Variants in RPTOR observed in about 807,000 individuals in gnomAD.
The protein encoded by RPTOR is regulatory-associated protein of mTOR.
In RPTOR, 21 loss-of-function variants were observed where a neutral mutation model predicts 169.9. The observed-to-expected ratio is 0.12, with a 90% CI of 0.09 to 0.18. The LOEUF is 0.18. Ranked by LOEUF, RPTOR falls within the 10% of genes least tolerant of loss-of-function variation. The probability of loss-of-function intolerance (pLI) is 1.00; values close to 1 mark genes in which losing one functional copy is unlikely to be tolerated. For synonymous variants in RPTOR, 732 were observed against 753.2 expected, an observed-to-expected ratio of 0.97 and a Z score of 0.46; for missense variants, 1,133 against 1,855.9, an observed-to-expected ratio of 0.61 and a Z score of 7.16.
rs774782929 is a variant in RPTOR, at chr17:80,708,041, C to G, written c.507+42C>G. ...GCTTCCTTCCCGTTTCTGCCAAAAGCCATGCCAATTGCGGTGGTCGGAGCA... is the reference window on the plus strand; with the variant it reads ...GCTTCCTTCCCGTTTCTGCCAAAAGGCATGCCAATTGCGGTGGTCGGAGCA... On this transcript the variant is annotated intron_variant, in intron 4 of 33. Coordinates refer to ENST00000306801, the MANE Select transcript of RPTOR (RefSeq NM_020761.3). The surrounding 1 kb of genome is among the most constrained non-coding windows in gnomAD (Gnocchi z 4.2). The G allele has an allele frequency of 1.9e-6, 3 of 1,591,368 alleles. No homozygotes were observed. Among genetic ancestry groups the G allele is most frequent in the Admixed American group, 1.7e-5 (1 of 58,532 alleles).
chr17:80,812,379 A>G (rs1197087224), intron 7 of RPTOR, among the ~76,000 whole-genome samples: 1 of 152,096 alleles, frequency 6.6e-6, no homozygotes, highest in Non-Finnish European at 1.5e-5. Context: ...TGAAAACGGA[A>G]ATTGTACAGG....
At chr17:80,584,129 C>T (rs548371982) in intron 1 of RPTOR, among the ~76,000 whole-genome samples, 4 of 152,274 alleles carry the variant, frequency 2.6e-5, no homozygotes, top group African/African-American at 9.6e-5. Flanking sequence ...GAGGAGACCC[C>T]CGCTTTTATC....
intron 3 of RPTOR, among the ~76,000 whole-genome samples, chr17:80,683,848 G>A (rs977609574): frequency 1.2e-4 from 18 of 152,052 alleles, no homozygotes; most frequent in African/African-American, 1.9e-4. Context: ...TATTCTACCC[G>A]CATGGCTCAA....
chr17:80,779,964 C>T (rs1043009700), intron 6 of RPTOR, among the ~76,000 whole-genome samples: 7 of 152,066 alleles, frequency 4.6e-5, no homozygotes, highest in African/African-American at 1.4e-4. Context: ...GTCGGGGGTA[C>T]CCAGGCTCCA....
At chr17:80,830,661 C>T (rs1316733791) in intron 9 of RPTOR, among the ~76,000 whole-genome samples, 8 of 151,950 alleles carry the variant, frequency 5.3e-5, no homozygotes, top group Non-Finnish European at 1.0e-4. Flanking sequence ...CCAGTGGCTT[C>T]GAAAGGAGTT....
chr17:80,793,884 C>T (rs1466693649), intron 7 of RPTOR, among the ~76,000 whole-genome samples: 1 of 152,222 alleles, frequency 6.6e-6, no homozygotes, highest in Non-Finnish European at 1.5e-5. Flanking sequence ...CCTGGGTGGC[C>T]TTTTCTGCCT....
chr17:80,764,624 G>A (rs1304841165), intron 6 of RPTOR, among the ~76,000 whole-genome samples: 1 of 152,030 alleles, frequency 6.6e-6, no homozygotes, highest in Non-Finnish European at 1.5e-5. Context: ...GTAAACATAC[G>A]TGTGCATGTG....
intron 3 of RPTOR, among the ~76,000 whole-genome samples, chr17:80,684,390 A>C (rs541808185): frequency 9.8e-4 from 145 of 148,700 alleles, no homozygotes; most frequent in African/African-American, 3.5e-3. Flanking sequence ...TTTTTTTTAA[A>C]TAAGGAGATA....
rs545885031 is a variant in RPTOR at position 80,814,469 on chromosome 17, A to G, written c.891-7732A>G. On this transcript the variant is annotated intron_variant, in intron 7 of 33. Coordinates refer to ENST00000306801, the MANE Select transcript of RPTOR (RefSeq NM_020761.3). ...CCAGAGCGTTTCACGAGCTTCTTAGATGATGGAATTTGGGATGATTTGTAT... is the reference window on the plus strand; with the variant it reads ...CCAGAGCGTTTCACGAGCTTCTTAGGTGATGGAATTTGGGATGATTTGTAT... 6.6e-5 allele frequency among the ~76,000 whole-genome samples: 10 copies of G among 152,262 alleles called. No homozygotes were observed. In the South Asian group the frequency reaches 2.1e-3, roughly 32 times the overall value.
chr17:80,682,128 A>G (rs1598217218), intron 3 of RPTOR, among the ~76,000 whole-genome samples: 2 of 117,558 alleles, frequency 1.7e-5, no homozygotes, highest in African/African-American at 6.2e-5. Flanking sequence ...ACCCCAAACA[A>G]AGTCTCGCTC....
intron 11 of RPTOR, among the ~76,000 whole-genome samples, chr17:80,847,958 G>A (rs903130335): frequency 2.0e-5 from 3 of 152,206 alleles, no homozygotes; most frequent in African/African-American, 4.8e-5. Flanking sequence ...CCCTTCCGCC[G>A]TTCAGTCTGT....
At chr17:80,576,197 C>A (rs1406830084) in intron 1 of RPTOR, among the ~76,000 whole-genome samples, 6 of 152,178 alleles carry the variant, frequency 3.9e-5, no homozygotes, top group Non-Finnish European at 8.8e-5. Flanking sequence ...CTACTTACAG[C>A]CATTGGGGCC....
chr17:80,809,217 C>T (rs948913696), intron 7 of RPTOR, among the ~76,000 whole-genome samples: 1 of 152,102 alleles, frequency 6.6e-6, no homozygotes, highest in African/African-American at 2.4e-5. Context: ...TTTGAGATGG[C>T]GTCTCACTTT....
chr17:80,856,387 G>T (rs2067852107), intron 12 of RPTOR, among the ~76,000 whole-genome samples: 1 of 152,244 alleles, frequency 6.6e-6, no homozygotes, highest in African/African-American at 2.4e-5. Context: ...GTGCTTGGGA[G>T]CGGTGCGGTG....
chr17:80,634,960 C>G (rs190902225), intron 2 of RPTOR, among the ~76,000 whole-genome samples: 1 of 152,318 alleles, frequency 6.6e-6, no homozygotes, highest in East Asian at 1.9e-4. Flanking sequence ...GTGTGCTTCT[C>G]TCTGTACACA....
At chr17:80,638,230 G>T (rs2065523566) in intron 2 of RPTOR, among the ~76,000 whole-genome samples, 1 of 152,150 alleles carries the variant, frequency 6.6e-6, no homozygotes, top group Non-Finnish European at 1.5e-5. Context: ...CACACTCTGA[G>T]GTCCGAGGGG....
In RPTOR at chr17:80,965,163, G is replaced by C; in HGVS notation, c.*833G>C. The C allele has an allele frequency of 4.3e-6, 1 of 233,336 alleles. No individual in the cohort carries two copies. The highest frequency in any genetic ancestry group is 2.2e-5 in the African/African-American group (1 of 45,472). The allele number at this position is 233,336 out of a possible 1,614,324, so 14.5% of individuals were successfully genotyped here. A position where few individuals can be genotyped will look rare whatever the true frequency, so the allele number is the denominator to read the frequency against. ...CTCCGAAGGGCTGCTCTTCCCCACA[G>C]GCGCGGGGACAGCAGCCCGACCTGT... On this transcript the variant is annotated 3_prime_UTR_variant, in exon 34 of 34. Coordinates refer to ENST00000306801, the MANE Select transcript of RPTOR (RefSeq NM_020761.3).
At chr17:80,800,098 G>A (rs1422449110) in intron 7 of RPTOR, among the ~76,000 whole-genome samples, 2 of 152,206 alleles carry the variant, frequency 1.3e-5, no homozygotes, top group South Asian at 2.1e-4. Context: ...GGGTTTGGGG[G>A]CTGAGTGTGG....
At chr17:80,931,409 G>A (rs1348695718) in intron 24 of RPTOR, among the ~76,000 whole-genome samples, 1 of 152,200 alleles carries the variant, frequency 6.6e-6, no homozygotes, top group East Asian at 1.9e-4. Flanking sequence ...GTTTGCGCAA[G>A]GCTAAACCTG....
Sources: allele counts gnomAD v4.1 joint callset (sites outside exome capture counted in the v4.1 genomes callset), GRCh38; gene constraint gnomAD v4.1.1; non-coding constraint Gnocchi (gnomAD v3.1); transcripts MANE v1.5; gene names NCBI Gene and HGNC (gene_info 2026-07-23, HGNC 2026-07-21).